The following CSTF3 variants were observed in gnomAD, a reference collection of about 807,000 sequenced individuals.
CSTF3 encodes the protein cleavage stimulation factor subunit 3.
CSTF3 carries 29 observed loss-of-function variants against 105.8 expected under a neutral mutation model. The observed-to-expected ratio is 0.27, with a 90% CI of 0.20 to 0.37. The LOEUF is 0.37. CSTF3 is among the 10% of genes least tolerant of loss of function. The probability of loss-of-function intolerance (pLI) is 1.00; values close to 1 mark genes in which losing one functional copy is unlikely to be tolerated. For missense variants in CSTF3, 357 were observed against 879.3 expected (o/e 0.41, Z 7.51); for synonymous variants, 252 against 281.9 (o/e 0.89, Z 1.06).
chr11:33,097,008 A>G, intron 13 of CSTF3, 30 bp from the exon 14 acceptor site: 1 of 1,528,174 alleles, frequency 6.5e-7, no homozygotes, highest in African/African-American at 1.4e-5. Flanking sequence ...TGTGTTCTAT[A>G]AATTAGACAG....
chr11:33,125,797 T>C (rs1171013963), intron 3 of CSTF3, among the ~76,000 whole-genome samples: 3 of 152,214 alleles, frequency 2.0e-5, no homozygotes, highest in African/African-American at 7.2e-5. Flanking sequence ...CTTCCCAGTT[T>C]GGCAGTTGCT....
intron 15 of CSTF3, among the ~76,000 whole-genome samples, chr11:33,094,761 A>G (rs1318929648): frequency 3.3e-5 from 5 of 152,002 alleles, no homozygotes; most frequent in African/African-American, 1.2e-4. Context: ...GGAATGCTCT[A>G]TTTTTCTGAA....
At chr11:33,088,676 G>C (rs1198875523) in intron 17 of CSTF3, among the ~76,000 whole-genome samples, 1 of 151,928 alleles carries the variant, frequency 6.6e-6, no homozygotes, top group Non-Finnish European at 1.5e-5. Context: ...GCAGTGGCTT[G>C]ATCACGGCTC....
At chr11:33,100,700 G>A (rs985339507) in intron 10 of CSTF3, among the ~76,000 whole-genome samples, 1 of 152,198 alleles carries the variant, frequency 6.6e-6, no homozygotes, top group African/African-American at 2.4e-5. Context: ...ATAGTTTAGG[G>A]ACTCAAGAAA....
intron 1 of CSTF3, among the ~76,000 whole-genome samples, chr11:33,152,349 G>T (rs1849795707): frequency 6.6e-6 from 1 of 152,138 alleles, no homozygotes; most frequent in African/African-American, 2.4e-5. Flanking sequence ...GGTTGGACTT[G>T]AACTCCTGGG....
chr11:33,130,886 G>A (rs557094975), intron 3 of CSTF3, among the ~76,000 whole-genome samples: 2 of 151,986 alleles, frequency 1.3e-5, no homozygotes, highest in African/African-American at 2.4e-5. Context: ...AAAATTAGCC[G>A]GGTGTGGTGG....
chr11:33,134,018 T>C (rs1855627068), intron 3 of CSTF3, among the ~76,000 whole-genome samples: 1 of 152,208 alleles, frequency 6.6e-6, no homozygotes, highest in African/African-American at 2.4e-5. Flanking sequence ...GAATCTTTGT[T>C]ATTAGCAAAC....
chr11:33,161,447 A>C lies in CSTF3; in HGVS notation c.-122T>G. On this transcript the variant is annotated 5_prime_UTR_variant, in exon 1 of 21. Transcript: ENST00000323959. ...CCTGCCCAGCTGAGCCAGACCGCCA[A>C]CACCAATCGCCACCGCCCACTCAAA... The C allele has an allele frequency of 2.0e-6, 2 of 989,890 alleles. No individual in the cohort carries two copies. Among genetic ancestry groups the C allele is most frequent in the Non-Finnish European group, 3.1e-6 (2 of 645,356 alleles). The allele number at this position is 989,890 out of a possible 1,614,324, so 61.3% of individuals were successfully genotyped here.
Position 33,161,414 on chromosome 11 carries a change from A to T in CSTF3, c.-89T>A. On this transcript the variant is annotated 5_prime_UTR_variant, in exon 1 of 21. Transcript: ENST00000323959. ...CTAAAAACCACCCCCAAATCAGTAA[A>T]GTTACCCCCTGCCCAGCTGAGCCAG... 7.0e-7 allele frequency: 1 copy of T among 1,434,064 alleles called. No homozygotes were observed. The highest frequency in any genetic ancestry group is 9.7e-7 in the Non-Finnish European group (1 of 1,029,532). 88.8% of individuals were successfully genotyped at this position (1,434,064 alleles called of 1,614,324 possible).
chr11:33,090,481 TA>T (rs1590261422), intron 17 of CSTF3, 50 bp downstream of exon 17: 8 of 1,177,980 alleles, frequency 6.8e-6, no homozygotes, highest in African/African-American at 1.6e-5. Flanking sequence ...TGAACTCTTC[TA>T]AAACACTGGA....
intron 15 of CSTF3, 62 bp from the exon 16 acceptor site, chr11:33,092,402 A>T: frequency 1.9e-6 from 2 of 1,063,108 alleles, no homozygotes; most frequent in African/African-American, 3.3e-5. Context: ...CAATATTTTC[A>T]TATGCATTAT....
intron 1 of CSTF3, among the ~76,000 whole-genome samples, chr11:33,150,989 G>A (rs1855853151): frequency 6.6e-6 from 1 of 152,020 alleles, no homozygotes; most frequent in South Asian, 2.1e-4. Context: ...TAACTCAATA[G>A]TTTTTATTTA....
At chr11:33,120,545 C>A (rs1261500607) in intron 3 of CSTF3, among the ~76,000 whole-genome samples, 1 of 151,754 alleles carries the variant, frequency 6.6e-6, no homozygotes, top group Non-Finnish European at 1.5e-5. Context: ...CCACTTAATT[C>A]CAAAAATATT....
intron 8 of CSTF3, among the ~76,000 whole-genome samples, chr11:33,104,006 T>C (rs1016413390): frequency 6.6e-6 from 1 of 152,130 alleles, no homozygotes; most frequent in African/African-American, 2.4e-5. Flanking sequence ...AAAATTTTTT[T>C]TGTTGAGACA....
Position 33,085,165 on chromosome 11 carries a change from A to G in CSTF3, c.2076T>C (p.Asp692=). The G allele has an allele frequency of 3.1e-6, 5 of 1,614,124 alleles. No individual in the cohort carries two copies. In the East Asian group the frequency reaches 8.9e-5, roughly 29 times the overall value. Residue 692 remains aspartate (D), a synonymous_variant, in exon 21 of 21, where the codon GAT becomes GAC. Transcript: ENST00000323959. ...CAACGGCTCCCTTTTCTTCATCTTCATCTGAATCCTCGTTGGGCCTTTTGA... is the reference window on the plus strand; with the variant it reads ...CAACGGCTCCCTTTTCTTCATCTTCGTCTGAATCCTCGTTGGGCCTTTTGA... ...KAVKRPNEDS[D]EDEEKGAVVP... is the part of the protein sequence containing the mutation.
At chr11:33,085,850 A>G (rs367546306) in intron 19 of CSTF3, 45 bp downstream of exon 19, 70 of 1,587,804 alleles carry the variant, frequency 4.4e-5, no homozygotes, top group Non-Finnish European at 5.5e-5. Flanking sequence ...CACAATTACT[A>G]TGACCCACAG....
In CSTF3 at chr11:33,096,896, T is replaced by C. The variant is rs1449278647; in HGVS notation, c.1211A>G (p.Asp404Gly). The change falls in exon 14 of 21, where the codon GAT becomes GGT. Residue 404 changes from aspartate (D) to glycine (G), a missense_variant. Physicochemically the swap from Asp to Gly is moderately conservative, Grantham distance 94. This residue lies in a region of CSTF3 where 206 missense variants were observed against 576.5 expected (regional missense o/e 0.36). Coordinates refer to ENST00000323959, the MANE Select transcript of CSTF3 (RefSeq NM_001326.3). Reference protein sequence around the residue: ...GRMIFKKAREDTRTRHHVYVT... With the variant: ...GRMIFKKAREGTRTRHHVYVT... ...ATAGACATGGTGGCGGGTTCTGGTA[T>C]CTTCTCTTGCTTTTTTAAATATCAT... 2 of 1,613,654 alleles carry C rather than the reference T, an allele frequency of 1.2e-6. No homozygotes were observed. Among genetic ancestry groups the C allele is most frequent in the Non-Finnish European group, 1.7e-6 (2 of 1,179,662 alleles).
In CSTF3 at chr11:33,099,763, A is replaced by G. The variant is rs1461043621; in HGVS notation, c.827-46T>C. The G allele has an allele frequency of 8.1e-7, 1 of 1,231,828 alleles. No individual in the cohort carries two copies. 76.3% of individuals were successfully genotyped at this position (1,231,828 alleles called of 1,614,324 possible). A position where few individuals can be genotyped will look rare whatever the true frequency, so the allele number is the denominator to read the frequency against. ...ACAATATTCAATTAAAATAATTATT[A>G]TTTGTAAAACTATCAATGTAAATAT... On this transcript the variant is annotated intron_variant, in intron 10 of 20. Coordinates refer to ENST00000323959, the MANE Select transcript of CSTF3 (RefSeq NM_001326.3). This position sits in a 1 kb window ranked among gnomAD's most constrained non-coding sequence, Gnocchi z 4.1.
chr11:33,128,486 TATAA>T (rs1287415807), intron 3 of CSTF3, among the ~76,000 whole-genome samples: 3 of 152,244 alleles, frequency 2.0e-5, no homozygotes, highest in Non-Finnish European at 4.4e-5. Context: ...GGCCCAGAAT[TATAA>T]ATGATATCTC....
Sources: gnomAD v4.1 joint callset for allele counts (sites outside exome capture counted in the v4.1 genomes callset) on GRCh38, gnomAD v4.1.1 for gene constraint, gnomAD v4.1.1 regional missense constraint, Gnocchi (gnomAD v3.1) non-coding constraint, MANE v1.5 for transcripts, NCBI Gene and HGNC (gene_info 2026-07-23, HGNC 2026-07-21) for gene names.